The following YWHAB variants were observed in gnomAD, a reference collection of about 807,000 sequenced individuals.
YWHAB encodes the protein tyrosine 3-monooxygenase/tryptophan 5-monooxygenase activation protein beta.
YWHAB carries 2 observed loss-of-function variants against 28.5 expected under a neutral mutation model. The observed-to-expected ratio is 0.07, with a 90% CI of 0.03 to 0.22. YWHAB has a LOEUF of 0.22. YWHAB is among the 10% of genes least tolerant of loss of function. The pLI, the probability that YWHAB is intolerant of heterozygous loss-of-function variation, is 1.00. For missense variants in YWHAB, 148 were observed against 297.1 expected (o/e 0.50, Z 3.69); for synonymous variants, 103 against 104.7 (o/e 0.98, Z 0.10).
chr20:44,904,205 C>A (rs372884226), intron 3 of YWHAB, 89 bp downstream of exon 3: 66 of 1,504,682 alleles, frequency 4.4e-5, no homozygotes, highest in South Asian at 4.0e-4. Context: ...CTTTGTTCGC[C>A]ATAGACACCA....
At chr20:44,896,586 A>G (rs2066597194) in intron 1 of YWHAB, among the ~76,000 whole-genome samples, 1 of 152,176 alleles carries the variant, frequency 6.6e-6, no homozygotes, top group African/African-American at 2.4e-5. Context: ...GCATCAGGGA[A>G]CTTTAAAGAA....
At position 44,904,114 on chromosome 20, in the gene YWHAB, AAAGT is replaced by A; in HGVS notation, c.424+5_424+8del. ...GAAGTGGCATCTGGAGACAACAAAC[AAAGT>A]AAGTAATATCTTTAAAAAGAAATTC... On this transcript the variant is annotated splice_donor_variant and coding_sequence_variant, in exon 3 of 6. Transcript: ENST00000353703. LOFTEE classifies it high-confidence loss of function. The A allele has an allele frequency of 6.2e-7, 1 of 1,612,360 alleles. No homozygotes were observed. Among genetic ancestry groups the A allele is most frequent in the Non-Finnish European group, 8.5e-7 (1 of 1,179,458 alleles).
At chr20:44,900,671 A>G (rs868459223) in intron 1 of YWHAB, among the ~76,000 whole-genome samples, 4 of 152,256 alleles carry the variant, frequency 2.6e-5, no homozygotes, top group South Asian at 4.1e-4. Context: ...AGTTGCTTAC[A>G]GGACAGTGAA....
chr20:44,905,759 T>C (rs745955586), intron 4 of YWHAB: 11 of 401,634 alleles, frequency 2.7e-5, no homozygotes, highest in Non-Finnish European at 4.9e-5. Context: ...TTAGCAGTAA[T>C]ACTGCTTAGT....
At chr20:44,890,011 C>G (rs1814085595) in intron 1 of YWHAB, among the ~76,000 whole-genome samples, 1 of 152,180 alleles carries the variant, frequency 6.6e-6, no homozygotes, top group South Asian at 2.1e-4. Context: ...ACAATGTCAC[C>G]TGCCTCATAG....
intron 1 of YWHAB, among the ~76,000 whole-genome samples, chr20:44,894,527 A>G (rs905553595): frequency 5.9e-5 from 9 of 152,222 alleles, no homozygotes; most frequent in Non-Finnish European, 1.2e-4. Flanking sequence ...TTAACATAAC[A>G]TACTAACTAT....
intron 1 of YWHAB, among the ~76,000 whole-genome samples, chr20:44,897,503 G>T (rs2066602919): frequency 6.6e-6 from 1 of 152,174 alleles, no homozygotes; most frequent in South Asian, 2.1e-4. Flanking sequence ...TAGAAACCAT[G>T]AAGTAGGGTT....
At chr20:44,893,375 GA>G (rs1291552846) in intron 1 of YWHAB, among the ~76,000 whole-genome samples, 2 of 151,966 alleles carry the variant, frequency 1.3e-5, no homozygotes, top group African/African-American at 4.8e-5. Context: ...TCTTTAAACA[GA>G]AAAACACTTT....
chr20:44,906,361 T>G (rs1465012917), intron 5 of YWHAB, 21 bp from the exon 6 acceptor site: 14 of 1,612,880 alleles, frequency 8.7e-6, no homozygotes, highest in Non-Finnish European at 1.2e-5. Context: ...CTGCTTTGAT[T>G]ATACTTCCTT....
intron 2 of YWHAB, 93 bp from the exon 3 acceptor site, chr20:44,903,900 T>A: frequency 7.0e-7 from 1 of 1,431,220 alleles, no homozygotes; most frequent in Non-Finnish European, 9.4e-7. Flanking sequence ...TTCCAAAAAA[T>A]TATTTAGAAG....
intron 1 of YWHAB, among the ~76,000 whole-genome samples, chr20:44,894,643 G>A (rs991795729): frequency 5.9e-5 from 9 of 152,196 alleles, no homozygotes; most frequent in Admixed American, 2.0e-4. Context: ...TGTAATAGTC[G>A]TGGAGAAGAA....
chr20:44,891,111 T>C (rs530702131), intron 1 of YWHAB, among the ~76,000 whole-genome samples: 7 of 152,188 alleles, frequency 4.6e-5, no homozygotes, highest in Admixed American at 3.3e-4. Flanking sequence ...CCCTAGTAAG[T>C]AGATTTGCCT....
At chr20:44,892,480 A>G (rs1167509327) in intron 1 of YWHAB, among the ~76,000 whole-genome samples, 1 of 151,896 alleles carries the variant, frequency 6.6e-6, no homozygotes, top group Admixed American at 6.6e-5. Flanking sequence ...TGTTTCTACC[A>G]CTAGAGTTTA....
In YWHAB at chr20:44,906,497, T is replaced by G; in HGVS notation, c.*59T>G. 9.4e-7 allele frequency: 1 copy of G among 1,061,472 alleles called. No homozygotes were observed. Among genetic ancestry groups the G allele is most frequent in the Non-Finnish European group, 1.3e-6 (1 of 771,698 alleles). The allele number at this position is 1,061,472 out of a possible 1,614,324, so 65.8% of individuals were successfully genotyped here. On this transcript the variant is annotated 3_prime_UTR_variant, in exon 6 of 6. Transcript: ENST00000353703. The stretch of plus-strand genomic sequence containing the variant: ...CTCTGTACCCTCAACATATATCCCT[T>G]GTGCGATAAAAAAAAAAAAAAAAAA...
intron 1 of YWHAB, among the ~76,000 whole-genome samples, chr20:44,896,767 T>C (rs535372081): frequency 2.4e-4 from 37 of 152,376 alleles, no homozygotes; most frequent in African/African-American, 8.7e-4. Flanking sequence ...TCTCCTTTGC[T>C]GCCTTCCTCC....
At chr20:44,896,955 A>C (rs1204350959) in intron 1 of YWHAB, among the ~76,000 whole-genome samples, 1 of 152,176 alleles carries the variant, frequency 6.6e-6, no homozygotes, top group Non-Finnish European at 1.5e-5. Context: ...AAACAGATAA[A>C]TGGATACAGA....
At chr20:44,898,205 G>A (rs143572394) in intron 1 of YWHAB, among the ~76,000 whole-genome samples, 1 of 152,346 alleles carries the variant, frequency 6.6e-6, no homozygotes, top group East Asian at 1.9e-4. Flanking sequence ...AGTGTTGTGA[G>A]TGAAGATGTC....
intron 1 of YWHAB, chr20:44,887,814 C>A (rs1010881735): frequency 6.6e-6 from 1 of 152,190 alleles, no homozygotes; most frequent in Non-Finnish European, 1.5e-5. Context: ...ATCTCTGGTT[C>A]TTGGTTTTCT....
intron 2 of YWHAB, chr20:44,902,473 C>T (rs1412862643): frequency 1.3e-5 from 2 of 152,204 alleles, no homozygotes; most frequent in African/African-American, 4.8e-5. Flanking sequence ...CCCGCACATC[C>T]TGAGCCATTG....
Sources: gnomAD v4.1 joint callset for allele counts (sites outside exome capture counted in the v4.1 genomes callset) on GRCh38, gnomAD v4.1.1 for gene constraint, MANE v1.5 for transcripts, NCBI Gene and HGNC (gene_info 2026-07-23, HGNC 2026-07-21) for gene names.